The following CNN3 variants were observed in gnomAD, a reference collection of about 807,000 sequenced individuals.
CNN3 encodes calponin 3.
CNN3 carries 11 observed loss-of-function variants against 39.0 expected under a neutral mutation model. The observed-to-expected ratio is 0.28, with a 90% confidence interval of 0.18 to 0.47. The LOEUF is 0.47. Ranked by LOEUF, CNN3 falls within the 20% of genes least tolerant of loss-of-function variation. CNN3 has a pLI of 0.99. For synonymous variants in CNN3, 101 were observed against 138.3 expected (o/e 0.73, Z 1.89); for missense variants, 266 against 403.4 (o/e 0.66, Z 2.92).
chr1:94,913,149 AAC>A (rs1671207159), intron 1 of CNN3, among the ~76,000 whole-genome samples: 1 of 152,238 alleles, frequency 6.6e-6, no homozygotes. Context: ...TAGAACTAGT[AAC>A]ACTTACTCAG....
At chr1:94,903,906 T>G (rs1358613151) in intron 1 of CNN3, among the ~76,000 whole-genome samples, 1 of 152,200 alleles carries the variant, frequency 6.6e-6, no homozygotes, top group Non-Finnish European at 1.5e-5. Flanking sequence ...GGGGAAAGGA[T>G]TCTGACACAT....
intron 1 of CNN3, among the ~76,000 whole-genome samples, chr1:94,918,800 G>T (rs1364340087): frequency 6.6e-6 from 1 of 151,692 alleles, no homozygotes; most frequent in Non-Finnish European, 1.5e-5. Context: ...AGGCTGAGGT[G>T]TGAGAATTGC....
At chr1:94,904,517 C>T (rs1364213472) in intron 1 of CNN3, among the ~76,000 whole-genome samples, 1 of 152,024 alleles carries the variant, frequency 6.6e-6, no homozygotes, top group Non-Finnish European at 1.5e-5. Context: ...TGGGACTGAG[C>T]TGGGTGGATC....
chr1:94,913,445 G>A (rs183883498), intron 1 of CNN3, among the ~76,000 whole-genome samples: 198 of 152,312 alleles, frequency 1.3e-3, no homozygotes, highest in Non-Finnish European at 2.2e-3. Context: ...AAGTGATTCT[G>A]TTGGTTAAAA....
rs564929703 is a variant in CNN3, at chr1:94,926,841, G to A, written c.54C>T (p.Asn18=). Reference sequence around the variant, plus strand: ...CGCCCGCCCGAGCCAGGCGTACCTTGTTCTTGACTTCGGCCGAGAGCCCAT... The same window carrying A: ...CGCCCGCCCGAGCCAGGCGTACCTTATTCTTGACTTCGGCCGAGAGCCCAT... ...PSYGLSAEVK[N]KIASKYDHQA... The change falls in exon 1 of 7, where the codon AAC becomes AAT. Residue 18 remains asparagine, a synonymous_variant. Transcript: ENST00000370206. This position sits in a 1 kb window ranked among gnomAD's most constrained non-coding sequence, Gnocchi z 4.2. 19 of 1,611,228 alleles carry A rather than the reference G, an allele frequency of 1.2e-5. No individual in the cohort carries two copies. Among genetic ancestry groups the A allele is most frequent in the African/African-American group, 1.1e-4 (8 of 74,454 alleles).
In CNN3 at chr1:94,901,704, T is replaced by G; in HGVS notation, c.466A>C (p.Lys156Gln). The G allele has an allele frequency of 6.2e-7, 1 of 1,614,078 alleles. No homozygotes were observed. Among genetic ancestry groups the G allele is most frequent in the Non-Finnish European group, 8.5e-7 (1 of 1,179,948 alleles). Residue 156 changes from lysine to glutamine, a missense_variant, in exon 5 of 7, where the codon AAA (lysine) becomes CAA (glutamine). By Grantham distance (53) the Lys-to-Gln change is moderately conservative (BLOSUM62 1). Coordinates refer to ENST00000370206, the MANE Select transcript of CNN3 (RefSeq NM_001839.5). ...ATTACACTTTGGCCAGCTTTTAATT[T>G]TCCTTCATCAAAACGTCTTGTTTGT... ...EKQTRRFDEG[K>Q]LKAGQSVIGL... is the part of the protein sequence containing the mutation.
Position 94,897,952 on chromosome 1 carries a change from C to T in CNN3, c.780G>A (p.Val260=), listed in dbSNP as rs1355667137. 14 of 1,614,138 alleles carry T rather than the reference C, an allele frequency of 8.7e-6. No homozygotes were observed. Among genetic ancestry groups the T allele is most frequent in the Non-Finnish European group, 1.2e-5 (14 of 1,180,000 alleles). ...CATATACTTGCCGCCCAAGCCCATA[C>T]ACACTCATTCCTTTCTGGGAAGCAA... ...NKVASQKGMS[V]YGLGRQVYDP... The change falls in exon 7 of 7, where the codon GTG becomes GTA. Residue 260 remains valine (V), a synonymous_variant. Coordinates refer to ENST00000370206, the MANE Select transcript of CNN3 (RefSeq NM_001839.5).
At chr1:94,925,629 T>C (rs1289944172) in intron 1 of CNN3, 2 of 985,306 alleles carry the variant, frequency 2.0e-6, no homozygotes, top group Non-Finnish European at 2.4e-6. Context: ...GTGCGCTTCA[T>C]TACCTCTTTA....
Position 94,903,204 on chromosome 1 carries a change from T to A in CNN3, c.180-16A>T, listed in dbSNP as rs747066574. The A allele has an allele frequency of 2.1e-5, 33 of 1,608,734 alleles. No individual in the cohort carries two copies. The highest frequency in any genetic ancestry group is 5.1e-5 in the Admixed American group (3 of 58,784). On this transcript the variant is annotated splice_polypyrimidine_tract_variant and intron_variant, in intron 2 of 6. Transcript: ENST00000370206. ...GTTTATAAGTCTGAAAAGAAAAATA[T>A]GAGAGACATCTTATTTACTGGCACA... is the stretch of plus-strand genomic sequence containing the variant.
In CNN3 at chr1:94,927,030, C is replaced by T. The variant is rs1671606921; in HGVS notation, c.-136G>A. 2.1e-6 allele frequency: 2 copies of T among 935,352 alleles called. No homozygotes were observed. Among genetic ancestry groups the T allele is most frequent in the Admixed American group, 5.5e-5 (2 of 36,418 alleles). The allele number at this position is 935,352 out of a possible 1,614,324, so 57.9% of individuals were successfully genotyped here. ...TCCTCTGGGAGGCGCAGGAGACGGC[C>T]GCGGGGCGCGGGCGGTGCCTGGGCG... On this transcript the variant is annotated 5_prime_UTR_variant, in exon 1 of 7. Transcript: ENST00000370206.
At chr1:94,922,749 C>G (rs1006607957) in intron 1 of CNN3, among the ~76,000 whole-genome samples, 1 of 152,180 alleles carries the variant, frequency 6.6e-6, no homozygotes, top group African/African-American at 2.4e-5. Flanking sequence ...GGCAAACAAG[C>G]TAGGAGGACT....
intron 1 of CNN3, among the ~76,000 whole-genome samples, chr1:94,914,734 T>A (rs1314392758): frequency 6.6e-6 from 1 of 152,180 alleles, no homozygotes; most frequent in Non-Finnish European, 1.5e-5. Context: ...CACAACCAGC[T>A]ATGAACAGAG....
rs980508072 is a variant in CNN3, at chr1:94,926,501, T to G, written c.57+337A>C. 2.6e-5 allele frequency among the ~76,000 whole-genome samples: 4 copies of G among 152,006 alleles called. No individual in the cohort carries two copies. Among genetic ancestry groups the G allele is most frequent in the Non-Finnish European group, 5.9e-5 (4 of 67,970 alleles). ...CGAGTGGCCACGCAGGAGCGCCCCC[T>G]TCCCGGAGGGCGCGTTCTGCAGTCA... On this transcript the variant is annotated intron_variant, in intron 1 of 6. Coordinates refer to ENST00000370206, the MANE Select transcript of CNN3 (RefSeq NM_001839.5). The surrounding 1 kb of genome is among the most constrained non-coding windows in gnomAD (Gnocchi z 4.2).
chr1:94,926,897 TGGTTCGGGCGGC>T lies in CNN3; in HGVS notation c.-15_-4del. The stretch of plus-strand genomic sequence containing the variant: ...GGGCCCTTGTTGAAGTGGGTCATGG[TGGTTCGGGCGGC>T]GGGAAGAGACAGCGCTGGGGTCCGG... On this transcript the variant is annotated 5_prime_UTR_variant, in exon 1 of 7. Transcript: ENST00000370206. The surrounding 1 kb of genome is among the most constrained non-coding windows in gnomAD (Gnocchi z 4.2). The T allele has an allele frequency of 6.2e-7, 1 of 1,607,844 alleles. No homozygotes were observed. The highest frequency in any genetic ancestry group is 8.5e-7 in the Non-Finnish European group (1 of 1,176,866).
At chr1:94,915,518 T>C (rs984176032) in intron 1 of CNN3, among the ~76,000 whole-genome samples, 3 of 152,166 alleles carry the variant, frequency 2.0e-5, no homozygotes, top group Non-Finnish European at 2.9e-5. Flanking sequence ...TGTAATGCAA[T>C]CTGAGAGCAT....
At chr1:94,910,288 G>A (rs9432409) in intron 1 of CNN3, among the ~76,000 whole-genome samples, 39,994 of 151,890 alleles carry the variant, frequency 0.26, 5,463 homozygotes, top group Non-Finnish European at 0.28. Context: ...TTCATATCAG[G>A]CACAGTTCAA....
chr1:94,908,440 A>C (rs1671070879), intron 1 of CNN3, among the ~76,000 whole-genome samples: 1 of 152,148 alleles, frequency 6.6e-6, no homozygotes, highest in Non-Finnish European at 1.5e-5. Flanking sequence ...GTGTGGAGTC[A>C]CCCTTCAGTT....
chr1:94,926,469 C>T lies in CNN3; in HGVS notation c.57+369G>A, dbSNP rs2101747327. On this transcript the variant is annotated intron_variant, in intron 1 of 6. Transcript: ENST00000370206. The surrounding 1 kb of genome is among the most constrained non-coding windows in gnomAD (Gnocchi z 4.2). ...CCCTGGCCGCGCAGACGGGCTCCGC[C>T]TAAGGGCGAGTGGCCACGCAGGAGC... 6.6e-6 allele frequency among the ~76,000 whole-genome samples: 1 copy of T among 152,304 alleles called. No homozygotes were observed. Among genetic ancestry groups the T allele is most frequent in the Middle Eastern group, 3.4e-3 (1 of 292 alleles).
rs562134286 is a variant in CNN3, at chr1:94,900,988, G to T, written c.501+681C>A. On this transcript the variant is annotated intron_variant, in intron 5 of 6. Transcript: ENST00000370206. ...TAATCTCAGCACTTCGGGAGGCCAA[G>T]GCAGGAGGACTGCTTGAGCTCCAGA... Among the ~76,000 whole-genome samples, 6 of 152,238 alleles carry T rather than the reference G, an allele frequency of 3.9e-5. No homozygotes were observed. The South Asian group carries it at 1.2e-3, about 32-fold the overall frequency.
Sources: gnomAD v4.1 joint callset for allele counts (sites outside exome capture counted in the v4.1 genomes callset) on GRCh38, gnomAD v4.1.1 for gene constraint, Gnocchi (gnomAD v3.1) non-coding constraint, MANE v1.5 for transcripts, NCBI Gene and HGNC (gene_info 2026-07-23, HGNC 2026-07-21) for gene names.